RASGRF2: variants seen among roughly 807,000 people sequenced by gnomAD.
The protein encoded by RASGRF2 is Ras protein specific guanine nucleotide releasing factor 2.
Under a neutral mutation model 151.0 loss-of-function variants are expected in RASGRF2, and 76 were observed. The observed-to-expected ratio is 0.50, with a 90% CI of 0.42 to 0.61. The LOEUF (loss-of-function observed/expected upper bound fraction) is 0.61, where lower values mean the gene tolerates loss of function less well. Among genes scored for constraint, RASGRF2 ranks in the 20% least tolerant of loss-of-function variants. The pLI is 0.00. For synonymous variants in RASGRF2, 504 were observed against 566.5 expected, an observed-to-expected ratio of 0.89 and a Z score of 1.57; for missense variants, 1,148 against 1,564.6, an observed-to-expected ratio of 0.73 and a Z score of 4.49.
At position 80,997,943 on chromosome 5, in the gene RASGRF2, T is replaced by A. The variant is rs538465346; in HGVS notation, c.288+36917T>A. On this transcript the variant is annotated intron_variant, in intron 1 of 26. Transcript: ENST00000265080. ...GAGATCGCGCCACTGCACTCCAGCC[T>A]GGGAGACAGAGCAAGACTCCGTCTC... 44 of 138,522 alleles carry A rather than the reference T, an allele frequency of 3.2e-4. No individual in the cohort carries two copies. In the East Asian group the frequency reaches 8.4e-3, roughly 27 times the overall value. 8.6% of individuals were successfully genotyped at this position (138,522 alleles called of 1,614,324 possible).
intron 1 of RASGRF2, among the ~76,000 whole-genome samples, chr5:80,973,991 A>G (rs949883939): frequency 6.6e-6 from 1 of 152,222 alleles, no homozygotes; most frequent in Admixed American, 6.5e-5. Flanking sequence ...GATGTAGCCA[A>G]TCTGCCAGGA....
chr5:81,164,410 T>C (rs749333515), intron 17 of RASGRF2, among the ~76,000 whole-genome samples: 3 of 152,070 alleles, frequency 2.0e-5, no homozygotes, highest in Non-Finnish European at 4.4e-5. Flanking sequence ...GACACATTCA[T>C]TGTGGTTATT....
At chr5:81,041,368 C>T (rs1244980278) in intron 1 of RASGRF2, among the ~76,000 whole-genome samples, 4 of 151,784 alleles carry the variant, frequency 2.6e-5, no homozygotes, top group African/African-American at 4.8e-5. Flanking sequence ...TACTGTTATT[C>T]GTGAATATTG....
At chr5:81,004,279 T>C (rs1045305157) in intron 1 of RASGRF2, among the ~76,000 whole-genome samples, 1 of 152,280 alleles carries the variant, frequency 6.6e-6, no homozygotes, top group Non-Finnish European at 1.5e-5. Flanking sequence ...GAGACAATTA[T>C]GCTCAGCTAC....
chr5:81,089,832 C>CA (rs1234475000), intron 9 of RASGRF2, among the ~76,000 whole-genome samples: 1 of 152,198 alleles, frequency 6.6e-6, no homozygotes, highest in Non-Finnish European at 1.5e-5. Context: ...CTAATGCTCA[C>CA]AAAAGCACCT....
intron 1 of RASGRF2, among the ~76,000 whole-genome samples, chr5:81,000,668 A>G (rs701394): frequency 0.35 from 53,534 of 152,102 alleles, 9,642 homozygotes; most frequent in South Asian, 0.47. Flanking sequence ...ACTTTACCCA[A>G]TGCTGGTGTT....
In RASGRF2 at chr5:81,112,680, C is replaced by T. The variant is rs1425332328; in HGVS notation, c.1909C>T (p.Pro637Ser). The change falls in exon 14 of 27, where the codon CCC becomes TCC. Residue 637 changes from proline (P) to serine (S), a missense_variant. By Grantham distance (74) the Pro-to-Ser change is moderately conservative. This residue lies in a region of RASGRF2 where 646 missense variants were observed against 807.4 expected (regional missense o/e 0.80). Transcript: ENST00000265080. The part of the protein sequence containing the change: ...FSKTLNSCKV[P>S]QIRYASVERL... ...TAAAACACTCAACTCCTGCAAAGTG[C>T]CCCAGATCCGTTATGCCAGCGTGGA... 3.1e-6 allele frequency: 5 copies of T among 1,614,074 alleles called. No homozygotes were observed. The African/African-American group carries it at 6.7e-5, about 22-fold the overall frequency.
intron 18 of RASGRF2, among the ~76,000 whole-genome samples, chr5:81,189,493 T>A (rs1755107247): frequency 7.3e-6 from 1 of 137,602 alleles, no homozygotes; most frequent in African/African-American, 2.8e-5. Context: ...TGTGTGTTTC[T>A]TTTTTTTTTT....
Position 81,225,796 on chromosome 5 carries a change from C to T in RASGRF2, c.*26C>T, listed in dbSNP as rs551654881. ...AGATCTGGCCTTGCCCCTGAGTCCA[C>T]GGGATGTTCATGGAAAGCAGGACAG... On this transcript the variant is annotated 3_prime_UTR_variant, in exon 27 of 27. Coordinates refer to ENST00000265080, the MANE Select transcript of RASGRF2 (RefSeq NM_006909.3). The T allele has an allele frequency of 7.5e-6, 12 of 1,604,140 alleles. No individual in the cohort carries two copies. Among genetic ancestry groups the T allele is most frequent in the South Asian group, 2.2e-5 (2 of 89,216 alleles).
intron 12 of RASGRF2, among the ~76,000 whole-genome samples, chr5:81,101,632 C>G (rs1207197562): frequency 6.6e-6 from 1 of 152,092 alleles, no homozygotes; most frequent in Non-Finnish European, 1.5e-5. Flanking sequence ...CTTTCTTTCT[C>G]TCTGTCTCTC....
intron 18 of RASGRF2, among the ~76,000 whole-genome samples, chr5:81,195,744 G>A (rs1373373054): frequency 6.6e-6 from 1 of 152,110 alleles, no homozygotes; most frequent in Non-Finnish European, 1.5e-5. Flanking sequence ...ACAACCCCTA[G>A]TGAGCCCTGT....
At chr5:81,101,973 G>A (rs938412185) in intron 12 of RASGRF2, among the ~76,000 whole-genome samples, 23 of 152,250 alleles carry the variant, frequency 1.5e-4, no homozygotes, top group African/African-American at 5.1e-4. Context: ...TCCAATTCTG[G>A]TAGTATGGAG....
At chr5:81,051,196 C>T (rs977274918) in intron 2 of RASGRF2, among the ~76,000 whole-genome samples, 3 of 152,082 alleles carry the variant, frequency 2.0e-5, no homozygotes, top group African/African-American at 7.2e-5. Flanking sequence ...AATCACCCTG[C>T]ATCATTTTTT....
At chr5:81,002,833 T>C (rs1332094968) in intron 1 of RASGRF2, among the ~76,000 whole-genome samples, 1 of 152,180 alleles carries the variant, frequency 6.6e-6, no homozygotes, top group Non-Finnish European at 1.5e-5. Flanking sequence ...TCATATTACA[T>C]TTATTATGAC....
chr5:81,055,330 G>T (rs1316304116), intron 2 of RASGRF2, among the ~76,000 whole-genome samples: 1 of 152,098 alleles, frequency 6.6e-6, no homozygotes, highest in Non-Finnish European at 1.5e-5. Flanking sequence ...AGAGTTTTTA[G>T]CATGAAGGGC....
chr5:81,174,568 C>T (rs1021791467), intron 17 of RASGRF2, among the ~76,000 whole-genome samples: 19 of 152,162 alleles, frequency 1.2e-4, no homozygotes, highest in African/African-American at 4.6e-4. Context: ...CTGCTTTTTC[C>T]TCAGCATGTT....
intron 17 of RASGRF2, among the ~76,000 whole-genome samples, chr5:81,164,494 T>C (rs1000136437): frequency 1.3e-5 from 2 of 151,788 alleles, no homozygotes; most frequent in Non-Finnish European, 2.9e-5. Context: ...AGAATGAATA[T>C]GGTTCATTAA....
chr5:81,151,900 A>G (rs913239372), intron 17 of RASGRF2, among the ~76,000 whole-genome samples: 29 of 152,246 alleles, frequency 1.9e-4, no homozygotes, highest in African/African-American at 7.0e-4. Context: ...CTTTTTAGAC[A>G]CAATGATTAT....
chr5:81,023,806 TC>T (rs1749914061), intron 1 of RASGRF2, among the ~76,000 whole-genome samples: 1 of 152,180 alleles, frequency 6.6e-6, no homozygotes, highest in Admixed American at 6.5e-5. Context: ...GTGTTTCCTC[TC>T]CCCATACTGG....
Sources: allele counts gnomAD v4.1 joint callset (sites outside exome capture counted in the v4.1 genomes callset), GRCh38; gene constraint gnomAD v4.1.1; regional missense constraint gnomAD v4.1.1; transcripts MANE v1.5; gene names NCBI Gene and HGNC (gene_info 2026-07-23, HGNC 2026-07-21).